SIPA1L2: variants seen among roughly 807,000 people sequenced by gnomAD.
The protein encoded by SIPA1L2 is signal induced proliferation associated 1 like 2, also known as signal-induced proliferation-associated 1-like protein 2.
SIPA1L2 carries 56 observed loss-of-function variants against 163.9 expected under a neutral mutation model. That is an observed-to-expected ratio of 0.34 (90% CI 0.28 to 0.43). The LOEUF is 0.43. Ranked by LOEUF, SIPA1L2 falls within the 20% of genes least tolerant of loss-of-function variation. The pLI is 1.00. For synonymous variants in SIPA1L2, 877 were observed against 865.7 expected (o/e 1.01, Z -0.23); for missense variants, 1,974 against 2,193.5 (o/e 0.90, Z 2.00).
intron 1 of SIPA1L2, among the ~76,000 whole-genome samples, chr1:232,581,259 T>C (rs1445111247): frequency 6.6e-6 from 1 of 152,192 alleles, no homozygotes; most frequent in Non-Finnish European, 1.5e-5. Context: ...CGGTGACTAG[T>C]TCAAGGATAT....
chr1:232,516,493 G>T (rs1454431777), intron 2 of SIPA1L2, among the ~76,000 whole-genome samples: 3 of 152,078 alleles, frequency 2.0e-5, no homozygotes, highest in African/African-American at 7.2e-5. Context: ...GAAAACCATG[G>T]GATAGTGTGT....
intron 16 of SIPA1L2, among the ~76,000 whole-genome samples, chr1:232,429,351 G>A (rs1662091241): frequency 6.6e-6 from 1 of 152,200 alleles, no homozygotes; most frequent in Admixed American, 6.5e-5. Flanking sequence ...CCACAGCAAC[G>A]AGCTGGAGAA....
At chr1:232,577,903 A>G (rs1279687743) in intron 1 of SIPA1L2, among the ~76,000 whole-genome samples, 2 of 152,164 alleles carry the variant, frequency 1.3e-5, no homozygotes, top group Non-Finnish European at 2.9e-5. Context: ...GCAGGGTTTG[A>G]GAGGAGAGAC....
At chr1:232,516,729 G>T (rs1268819657) in intron 2 of SIPA1L2, among the ~76,000 whole-genome samples, 1 of 152,028 alleles carries the variant, frequency 6.6e-6, no homozygotes, top group Non-Finnish European at 1.5e-5. Flanking sequence ...AAGCCATTAG[G>T]AGTCCACTGG....
At chr1:232,549,033 T>C (rs565649851) in intron 2 of SIPA1L2, among the ~76,000 whole-genome samples, 2 of 152,336 alleles carry the variant, frequency 1.3e-5, no homozygotes, top group Admixed American at 1.3e-4. Context: ...AGAAATAACC[T>C]GGGAAACAGA....
At chr1:232,553,388 G>A (rs1207091031) in intron 2 of SIPA1L2, among the ~76,000 whole-genome samples, 1 of 152,178 alleles carries the variant, frequency 6.6e-6, no homozygotes, top group African/African-American at 2.4e-5. Context: ...GGACGGGGGG[G>A]CGTAGTGGGC....
At chr1:232,477,061 T>A (rs1188890292) in intron 7 of SIPA1L2, among the ~76,000 whole-genome samples, 1 of 152,178 alleles carries the variant, frequency 6.6e-6, no homozygotes, top group Non-Finnish European at 1.5e-5. Flanking sequence ...TACAACTCAT[T>A]AACAAATTTG....
intron 16 of SIPA1L2, among the ~76,000 whole-genome samples, chr1:232,429,174 A>T (rs1330908356): frequency 6.6e-6 from 1 of 152,250 alleles, no homozygotes; most frequent in Non-Finnish European, 1.5e-5. Context: ...TAGCTCCTTT[A>T]CAGGGACAAA....
intron 3 of SIPA1L2, among the ~76,000 whole-genome samples, chr1:232,498,085 C>T (rs552599177): frequency 6.6e-6 from 1 of 152,262 alleles, no homozygotes; most frequent in East Asian, 1.9e-4. Context: ...CCCTCACCTC[C>T]AAAAAGGCCA....
intron 2 of SIPA1L2, among the ~76,000 whole-genome samples, chr1:232,529,734 T>C (rs146502149): frequency 3.3e-4 from 50 of 152,344 alleles, no homozygotes; most frequent in African/African-American, 1.2e-3. Flanking sequence ...AAATCAGACA[T>C]CACAATTTCT....
intron 10 of SIPA1L2, among the ~76,000 whole-genome samples, chr1:232,446,314 G>C (rs1455834683): frequency 2.0e-5 from 3 of 152,160 alleles, no homozygotes; most frequent in Non-Finnish European, 4.4e-5. Flanking sequence ...TACTCAGCAG[G>C]ACCAAGACTG....
chr1:232,519,669 C>T (rs1284619969), intron 2 of SIPA1L2, among the ~76,000 whole-genome samples: 1 of 152,148 alleles, frequency 6.6e-6, no homozygotes, highest in African/African-American at 2.4e-5. Context: ...CTGGCAAATG[C>T]AGAGTCCTCA....
chr1:232,567,822 G>C (rs560855180), intron 2 of SIPA1L2, among the ~76,000 whole-genome samples: 1 of 152,352 alleles, frequency 6.6e-6, no homozygotes, highest in South Asian at 2.1e-4. Flanking sequence ...TAATCGGAGG[G>C]TTGGGACTTT....
At chr1:232,574,434 TTGAA>T (rs1423510935) in intron 1 of SIPA1L2, among the ~76,000 whole-genome samples, 1 of 140,748 alleles carries the variant, frequency 7.1e-6, no homozygotes, top group African/African-American at 2.6e-5. Flanking sequence ...GCACAAGAGA[TTGAA>T]TGAAGAAGCA....
chr1:232,472,184 T>C (rs1278170220), intron 7 of SIPA1L2, among the ~76,000 whole-genome samples: 1 of 152,232 alleles, frequency 6.6e-6, no homozygotes, highest in African/African-American at 2.4e-5. Flanking sequence ...GCCTTTACTT[T>C]TGATGTTCCT....
chr1:232,529,157 C>T (rs6704442), intron 2 of SIPA1L2, among the ~76,000 whole-genome samples: 139,942 of 152,232 alleles, frequency 0.92, 65,049 homozygotes, highest in African/African-American at 0.99. Flanking sequence ...TTATGATACA[C>T]AGGTGTCTCA....
At chr1:232,412,212 T>TC (rs1660996752) in intron 19 of SIPA1L2, among the ~76,000 whole-genome samples, 1 of 152,174 alleles carries the variant, frequency 6.6e-6, no homozygotes, top group African/African-American at 2.4e-5. Flanking sequence ...TGCCAAAATG[T>TC]GTAGCATAAA....
chr1:232,404,878 A>G (rs999547956), intron 19 of SIPA1L2, among the ~76,000 whole-genome samples: 1 of 152,030 alleles, frequency 6.6e-6, no homozygotes, highest in Admixed American at 6.6e-5. Context: ...TTCTGAGCAC[A>G]CTTATGTATC....
At chr1:232,477,007 T>C (rs886880387) in intron 7 of SIPA1L2, among the ~76,000 whole-genome samples, 2 of 152,160 alleles carry the variant, frequency 1.3e-5, no homozygotes, top group South Asian at 2.1e-4. Flanking sequence ...GGTATTAACA[T>C]AATTTGTGGG....
Sources: allele counts gnomAD v4.1 joint callset (sites outside exome capture counted in the v4.1 genomes callset), GRCh38; gene constraint gnomAD v4.1.1; transcripts MANE v1.5; gene names NCBI Gene and HGNC (gene_info 2026-07-23, HGNC 2026-07-21).